DAB1: variants seen among roughly 807,000 people sequenced by gnomAD.
DAB1 encodes the protein DAB adaptor protein 1.
In DAB1, 15 loss-of-function variants were observed where a neutral mutation model predicts 64.6. The observed-to-expected ratio is 0.23, with a 90% CI of 0.16 to 0.36. DAB1 has a LOEUF of 0.36. Ranked by LOEUF, DAB1 falls within the 10% of genes least tolerant of loss-of-function variation. The pLI is 1.00. For synonymous variants in DAB1, 235 were observed against 251.9 expected (o/e 0.93, Z 0.64); for missense variants, 596 against 706.7 (o/e 0.84, Z 1.78).
intron 5 of DAB1, among the ~76,000 whole-genome samples, chr1:58,085,025 C>T (rs565743800): frequency 2.6e-5 from 4 of 152,096 alleles, no homozygotes; most frequent in East Asian, 3.9e-4. Flanking sequence ...GGGTAGAATA[C>T]CTTTGGGATT....
intron 2 of DAB1, among the ~76,000 whole-genome samples, chr1:57,279,141 T>C (rs967824326): frequency 2.0e-5 from 3 of 152,150 alleles, no homozygotes; most frequent in Non-Finnish European, 2.9e-5. Flanking sequence ...GAGATAGAAA[T>C]GATGTTTTCC....
At chr1:58,016,010 G>A (rs1465120911) in intron 5 of DAB1, among the ~76,000 whole-genome samples, 1 of 152,074 alleles carries the variant, frequency 6.6e-6, no homozygotes, top group Non-Finnish European at 1.5e-5. Flanking sequence ...CAGCCTAGGG[G>A]GGGGTAGTTG....
At chr1:58,077,779 G>T (rs1459587171) in intron 5 of DAB1, among the ~76,000 whole-genome samples, 2 of 152,256 alleles carry the variant, frequency 1.3e-5, no homozygotes, top group Admixed American at 1.3e-4. Flanking sequence ...CCCTCATGCT[G>T]CATCTGTACC....
At chr1:57,349,116 A>G (rs376124681) in intron 1 of DAB1, among the ~76,000 whole-genome samples, 1 of 152,180 alleles carries the variant, frequency 6.6e-6, no homozygotes, top group East Asian at 1.9e-4. Context: ...ATAGCTCCTG[A>G]CTTTCTAAAA....
chr1:58,525,533 C>A (rs1027508411), intron 2 of DAB1, among the ~76,000 whole-genome samples: 3 of 151,896 alleles, frequency 2.0e-5, no homozygotes, highest in Non-Finnish European at 2.9e-5. Context: ...TTCCTACATA[C>A]AAAAAAATTT....
At chr1:57,894,044 C>T (rs897099429) in intron 5 of DAB1, among the ~76,000 whole-genome samples, 2 of 152,084 alleles carry the variant, frequency 1.3e-5, no homozygotes, top group Non-Finnish European at 2.9e-5. Flanking sequence ...ACTAGCAGGC[C>T]ACTGTGCATG....
intron 1 of DAB1, among the ~76,000 whole-genome samples, chr1:57,354,707 T>C (rs1228399258): frequency 2.6e-5 from 4 of 152,076 alleles, no homozygotes; most frequent in Non-Finnish European, 5.9e-5. Context: ...TCTAGTTCTG[T>C]AGATGAAGGG....
intron 1 of DAB1, among the ~76,000 whole-genome samples, chr1:57,834,707 C>A (rs1652735264): frequency 6.6e-6 from 1 of 150,796 alleles, no homozygotes; most frequent in Non-Finnish European, 1.5e-5. Flanking sequence ...TATATATGTA[C>A]AACTAGATAT....
intron 7 of DAB1, among the ~76,000 whole-genome samples, chr1:57,632,196 A>G (rs1359032823): frequency 6.6e-6 from 1 of 152,248 alleles, no homozygotes; most frequent in Non-Finnish European, 1.5e-5. Flanking sequence ...GGATTACTAC[A>G]ACGTAGTGCT....
At chr1:58,157,721 G>C (rs558173092) in intron 4 of DAB1, among the ~76,000 whole-genome samples, 2 of 152,236 alleles carry the variant, frequency 1.3e-5, no homozygotes, top group South Asian at 2.1e-4. Flanking sequence ...AAATCTGACA[G>C]GGCCTTAGAA....
intron 5 of DAB1, among the ~76,000 whole-genome samples, chr1:57,904,297 T>C (rs1045450312): frequency 6.6e-6 from 1 of 152,184 alleles, no homozygotes; most frequent in Non-Finnish European, 1.5e-5. Context: ...CTCAAATCCT[T>C]GCCTCTCCTT....
At chr1:57,481,817 A>C (rs1644024777) in intron 7 of DAB1, among the ~76,000 whole-genome samples, 1 of 83,056 alleles carries the variant, frequency 1.2e-5, no homozygotes, top group Non-Finnish European at 2.3e-5. Flanking sequence ...ACTCTGTCTC[A>C]AAAAAAAAAA....
intron 1 of DAB1, among the ~76,000 whole-genome samples, chr1:57,317,273 G>A (rs555403913): frequency 1.2e-4 from 18 of 152,300 alleles, no homozygotes; most frequent in East Asian, 9.7e-4. Flanking sequence ...TCGCAATGAC[G>A]GGAGCAGCTC....
chr1:57,241,647 T>C (rs1250713242), intron 2 of DAB1, among the ~76,000 whole-genome samples: 1 of 152,200 alleles, frequency 6.6e-6, no homozygotes, highest in African/African-American at 2.4e-5. Context: ...ACATTGCTCC[T>C]CATCTGGAAT....
chr1:57,524,674 C>G (rs939674689), intron 7 of DAB1, among the ~76,000 whole-genome samples: 2 of 152,044 alleles, frequency 1.3e-5, no homozygotes, highest in Admixed American at 6.5e-5. Flanking sequence ...TTAAGGGTGG[C>G]GGAGATTACA....
intron 1 of DAB1, among the ~76,000 whole-genome samples, chr1:57,404,229 T>C (rs950941151): frequency 6.6e-6 from 1 of 152,212 alleles, no homozygotes; most frequent in East Asian, 1.9e-4. Context: ...ATGGGAATAA[T>C]GAGAGTTTTT....
rs563385958 is a variant in DAB1, at chr1:57,045,797, A to G, written c.723+17087T>C. Among the ~76,000 whole-genome samples, 7 of 152,344 alleles carry G rather than the reference A, an allele frequency of 4.6e-5. No homozygotes were observed. In the East Asian group the frequency reaches 1.4e-3, roughly 29 times the overall value. On this transcript the variant is annotated intron_variant, in intron 9 of 14. Transcript: ENST00000371236. ...GAAAAAAAGGATAATTCTAGAGATA[A>G]GGACAGCAATACTGCTAACCTGCTG...
intron 5 of DAB1, among the ~76,000 whole-genome samples, chr1:57,946,795 G>T (rs2406406): frequency 0.37 from 56,768 of 152,040 alleles, 11,433 homozygotes; most frequent in Admixed American, 0.47. Flanking sequence ...TCATGCTCAT[G>T]CCTTTATAAA....
chr1:57,679,034 G>A (rs1229272284), intron 6 of DAB1, among the ~76,000 whole-genome samples: 18 of 151,944 alleles, frequency 1.2e-4, no homozygotes, highest in Non-Finnish European at 2.9e-5. Flanking sequence ...GCCTCCCAAA[G>A]TGCTAGGATT....
Sources: gnomAD v4.1 joint callset for allele counts (sites outside exome capture counted in the v4.1 genomes callset) on GRCh38, gnomAD v4.1.1 for gene constraint, MANE v1.5 for transcripts, NCBI Gene and HGNC (gene_info 2026-07-23, HGNC 2026-07-21) for gene names.